The following ABCC9 variants were observed in gnomAD, a reference collection of about 807,000 sequenced individuals.
ABCC9 encodes ATP-binding cassette sub-family C member 9.
In ABCC9, 95 loss-of-function variants were observed where a neutral mutation model predicts 188.3. That is an observed-to-expected ratio of 0.50 (90% CI 0.43 to 0.60). ABCC9 has a LOEUF of 0.60. Ranked by LOEUF, ABCC9 falls within the 20% of genes least tolerant of loss-of-function variation. The pLI, the probability that ABCC9 is intolerant of heterozygous loss-of-function variation, is 0.00. For missense variants in ABCC9, 1,102 were observed against 1,876.3 expected (o/e 0.59, Z 7.62); for synonymous variants, 659 against 652.7 (o/e 1.01, Z -0.15).
chr12:21,800,752 GGA>G lies in ABCC9; in HGVS notation c.*290_*291del, dbSNP rs1941387394. 5.2e-6 allele frequency: 2 copies of G among 387,266 alleles called. No individual in the cohort carries two copies. The highest frequency in any genetic ancestry group is 4.1e-5 in the African/African-American group (2 of 48,668). The allele number at this position is 387,266 out of a possible 1,614,324, so 24.0% of individuals were successfully genotyped here. On this transcript the variant is annotated 3_prime_UTR_variant, in exon 40 of 40. Coordinates refer to ENST00000261200, the MANE Select transcript of ABCC9 (RefSeq NM_020297.4). Reference sequence around the variant, plus strand: ...GAGATATTTACCAGACTTAAAGTTAGGAGAAAACTTTAGCTATTGATTTATCA... The same window carrying G: ...GAGATATTTACCAGACTTAAAGTTAGGAAAACTTTAGCTATTGATTTATCA...
intron 5 of ABCC9, among the ~76,000 whole-genome samples, chr12:21,918,539 AC>A (rs1465065467): frequency 6.6e-6 from 1 of 152,186 alleles, no homozygotes; most frequent in Non-Finnish European, 1.5e-5. Flanking sequence ...GAACAGTCAG[AC>A]TATTGATTTT....
At chr12:21,852,537 G>A (rs373922994) in intron 22 of ABCC9, 32 bp from the exon 23 acceptor site, 43 of 1,603,688 alleles carry the variant, frequency 2.7e-5, no homozygotes, top group Middle Eastern at 1.6e-4. Context: ...AAAGATGGAC[G>A]TTTTCTATAC....
intron 35 of ABCC9, 66 bp from the exon 36 acceptor site, chr12:21,812,223 A>C: frequency 3.2e-6 from 4 of 1,234,662 alleles, no homozygotes; most frequent in Non-Finnish European, 4.8e-6. Flanking sequence ...ATTTGTTTAC[A>C]AATTGAAAGT....
At chr12:21,907,949 C>T in intron 11 of ABCC9, 128 bp downstream of exon 11, 4 of 1,093,684 alleles carry the variant, frequency 3.7e-6, no homozygotes, top group Non-Finnish European at 4.0e-6. Context: ...ACATTTGCTG[C>T]TGAAGAACTG....
chr12:21,899,734 G>A (rs892276115), intron 12 of ABCC9, among the ~76,000 whole-genome samples: 9 of 152,130 alleles, frequency 5.9e-5, no homozygotes, highest in African/African-American at 9.7e-5. Context: ...GTCTGAGATC[G>A]AACTGTAAGG....
At chr12:21,862,246 A>G (rs1323651184) in intron 20 of ABCC9, among the ~76,000 whole-genome samples, 1 of 152,120 alleles carries the variant, frequency 6.6e-6, no homozygotes, top group Non-Finnish European at 1.5e-5. Context: ...GTGAATCTGT[A>G]TATATAGAAT....
Position 21,941,086 on chromosome 12 carries a change from A to G in ABCC9, c.-137+114T>C, listed in dbSNP as rs1328632680. 1 of 152,220 alleles carries G rather than the reference A, an allele frequency of 6.6e-6. No homozygotes were observed. Among genetic ancestry groups the G allele is most frequent in the Non-Finnish European group, 1.5e-5 (1 of 68,038 alleles). The allele number at this position is 152,220 out of a possible 1,614,324, so 9.4% of individuals were successfully genotyped here. On this transcript the variant is annotated intron_variant, in intron 1 of 39. Coordinates refer to ENST00000261200, the MANE Select transcript of ABCC9 (RefSeq NM_020297.4). The surrounding 1 kb of genome is among the most constrained non-coding windows in gnomAD (Gnocchi z 5.4). Reference sequence around the variant, plus strand: ...CGAAAGCTAAGTGCCGAGAAGTGCGAGAGAGTGCGAGGGCGTTTTTGGATA... The same window carrying G: ...CGAAAGCTAAGTGCCGAGAAGTGCGGGAGAGTGCGAGGGCGTTTTTGGATA...
At chr12:21,920,010 G>GA (rs1948743783) in intron 5 of ABCC9, among the ~76,000 whole-genome samples, 1 of 151,820 alleles carries the variant, frequency 6.6e-6, no homozygotes, top group Admixed American at 6.6e-5. Context: ...ATGGATACAG[G>GA]AAAAAAACTT....
intron 3 of ABCC9, 37 bp from the exon 4 acceptor site, chr12:21,933,960 A>G: frequency 6.2e-7 from 1 of 1,612,150 alleles, no homozygotes; most frequent in South Asian, 1.1e-5. Flanking sequence ...AAAAAGACAT[A>G]AACCGAAGGC....
At chr12:21,862,611 T>C (rs1246185071) in intron 20 of ABCC9, among the ~76,000 whole-genome samples, 1 of 152,120 alleles carries the variant, frequency 6.6e-6, no homozygotes, top group Non-Finnish European at 1.5e-5. Flanking sequence ...AAACTTCCTT[T>C]GTGAAATTTA....
rs1291302011 is a variant in ABCC9 at position 21,848,032 on chromosome 12, T to C, written c.2866+118A>G. 6.1e-6 allele frequency: 5 copies of C among 826,188 alleles called. No individual in the cohort carries two copies. The African/African-American group carries it at 6.8e-5, about 11-fold the overall frequency. 51.2% of individuals were successfully genotyped at this position (826,188 alleles called of 1,614,324 possible). A position where few individuals can be genotyped will look rare whatever the true frequency, so the allele number is the denominator to read the frequency against. On this transcript the variant is annotated intron_variant, in intron 25 of 39. Coordinates refer to ENST00000261200, the MANE Select transcript of ABCC9 (RefSeq NM_020297.4). ...TGTTTCCATTTTCAGTATTACTTGA[T>C]TTAATTTTTTCCCCTGGCAAAGTGG...
At chr12:21,875,810 C>G in intron 16 of ABCC9, 84 bp from the exon 17 acceptor site, 1 of 1,128,834 alleles carries the variant, frequency 8.9e-7, no homozygotes, top group Non-Finnish European at 1.3e-6. Flanking sequence ...GTAGGCCAGG[C>G]GCAGTGGCTC....
intron 13 of ABCC9, among the ~76,000 whole-genome samples, chr12:21,894,614 A>AT (rs34181244): frequency 7.5e-6 from 1 of 132,902 alleles, no homozygotes; most frequent in African/African-American, 2.8e-5. Context: ...ACTTACTTCC[A>AT]TTTTTTTTTT....
At chr12:21,846,276 C>T (rs1205869457) in intron 25 of ABCC9, among the ~76,000 whole-genome samples, 2 of 152,142 alleles carry the variant, frequency 1.3e-5, no homozygotes, top group Non-Finnish European at 2.9e-5. Context: ...GTCTATGGCC[C>T]CAAGGAGGAA....
chr12:21,881,466 T>A (rs886944837), intron 16 of ABCC9, among the ~76,000 whole-genome samples: 5 of 152,026 alleles, frequency 3.3e-5, no homozygotes, highest in Non-Finnish European at 5.9e-5. Flanking sequence ...ATAGTCTCTC[T>A]TTTCTTTCAA....
intron 34 of ABCC9, among the ~76,000 whole-genome samples, chr12:21,815,132 G>A (rs111234867): frequency 1.6e-4 from 25 of 152,138 alleles, no homozygotes; most frequent in African/African-American, 4.3e-4. Context: ...GCAGTGAGCC[G>A]TGATCACACC....
At chr12:21,904,980 A>G (rs4567523) in intron 12 of ABCC9, among the ~76,000 whole-genome samples, 151,871 of 152,320 alleles carry the variant, frequency 1, 75,715 homozygotes, top group Middle Eastern at 1. Context: ...ACATTCACAC[A>G]TGTGTTTATT....
At position 21,910,984 on chromosome 12, in the gene ABCC9, C is replaced by T. The variant is rs1003995698; in HGVS notation, c.1012-6G>A. The T allele has an allele frequency of 3.7e-6, 6 of 1,611,030 alleles. No homozygotes were observed. Among genetic ancestry groups the T allele is most frequent in the South Asian group, 1.1e-5 (1 of 90,942 alleles). On this transcript the variant is annotated splice_region_variant and splice_polypyrimidine_tract_variant and intron_variant, in intron 8 of 39. Coordinates refer to ENST00000261200, the MANE Select transcript of ABCC9 (RefSeq NM_020297.4). The stretch of plus-strand genomic sequence containing the variant: ...GATGAGAGGGTTTCTGAAATCTGGT[C>T]CCCAAAGAAAAAAAGTGTCATATTA...
intron 4 of ABCC9, among the ~76,000 whole-genome samples, chr12:21,928,744 G>A (rs905494957): frequency 3.9e-5 from 6 of 152,124 alleles, no homozygotes; most frequent in Non-Finnish European, 8.8e-5. Flanking sequence ...ACTTATGGTG[G>A]CACTCCTTTA....
Sources: allele counts gnomAD v4.1 joint callset (sites outside exome capture counted in the v4.1 genomes callset), GRCh38; gene constraint gnomAD v4.1.1; non-coding constraint Gnocchi (gnomAD v3.1); transcripts MANE v1.5; gene names NCBI Gene and HGNC (gene_info 2026-07-23, HGNC 2026-07-21).